The following PCDHGA10 variants were observed in gnomAD, a reference collection of about 807,000 sequenced individuals.
PCDHGA10 encodes the protein protocadherin gamma subfamily A, 10.
In PCDHGA10, 42 loss-of-function variants were observed where a neutral mutation model predicts 59.5. The ratio of observed to expected loss-of-function variants is 0.71; its 90% CI spans 0.55 to 0.91. The LOEUF (loss-of-function observed/expected upper bound fraction) is 0.91, where lower values mean the gene tolerates loss of function less well. Ranked by LOEUF, PCDHGA10 falls within the 40% of genes least tolerant of loss-of-function variation. The probability of loss-of-function intolerance (pLI) is 0.00; values close to 1 mark genes in which losing one functional copy is unlikely to be tolerated. For synonymous variants in PCDHGA10, 511 were observed against 517.2 expected (o/e 0.99, Z 0.16); for missense variants, 1,111 against 1,198.2 (o/e 0.93, Z 1.07).
Position 141,477,203 on chromosome 5 carries a change from G to A in PCDHGA10, c.2437-17604G>A. The A allele has an allele frequency of 6.2e-7, 1 of 1,614,176 alleles. No individual in the cohort carries two copies. The highest frequency in any genetic ancestry group is 8.5e-7 in the Non-Finnish European group (1 of 1,180,050). ...CACCTCCGTGTACAGCCCAGTACCC[G>A]AGGATGCCCCTCTGGGGACTGTCAT... On this transcript the variant is annotated intron_variant, in intron 1 of 3. Coordinates refer to ENST00000398610, the MANE Select transcript of PCDHGA10 (RefSeq NM_018913.3). This position sits in a 1 kb window ranked among gnomAD's most constrained non-coding sequence, Gnocchi z 4.9.
chr5:141,491,954 C>CA lies in PCDHGA10; in HGVS notation c.2437-2847dup. 1 of 1,032,920 alleles carries CA rather than the reference C, an allele frequency of 9.7e-7. No homozygotes were observed. Among genetic ancestry groups the CA allele is most frequent in the Non-Finnish European group, 1.3e-6 (1 of 747,262 alleles). 64.0% of individuals were successfully genotyped at this position (1,032,920 alleles called of 1,614,324 possible). A position where few individuals can be genotyped will look rare whatever the true frequency, so the allele number is the denominator to read the frequency against. ...TGGGACCGACCCCCACCCCTACACTCAAAAAAGGCCGGGGCCTCCTTCGAG... is the reference window on the plus strand; with the variant it reads ...TGGGACCGACCCCCACCCCTACACTCAAAAAAAGGCCGGGGCCTCCTTCGAG... On this transcript the variant is annotated intron_variant, in intron 1 of 3. Coordinates refer to ENST00000398610, the MANE Select transcript of PCDHGA10 (RefSeq NM_018913.3). This position sits in a 1 kb window ranked among gnomAD's most constrained non-coding sequence, Gnocchi z 6.9.
chr5:141,421,831 G>C lies in PCDHGA10; in HGVS notation c.2436+6220G>C, dbSNP rs201283981. ...AGAGCTAGTACTGGAGGGAAGCCTG[G>C]ACCGAGAGAAAGAGGCTGCTCACCT... On this transcript the variant is annotated intron_variant, in intron 1 of 3. Transcript: ENST00000398610. 68 of 1,613,784 alleles carry C rather than the reference G, an allele frequency of 4.2e-5. 1 individual carries two copies. The East Asian group carries it at 1.4e-3, about 33-fold the overall frequency.
chr5:141,422,661 C>T (rs1289162498), intron 1 of PCDHGA10: 7 of 1,608,938 alleles, frequency 4.4e-6, no homozygotes, highest in Admixed American at 1.7e-5. Flanking sequence ...TGACCGCCCT[C>T]GACCCGGACA....
In PCDHGA10 at chr5:141,417,067, A is replaced by G. The variant is rs1008801110; in HGVS notation, c.2436+1456A>G. The stretch of plus-strand genomic sequence containing the variant: ...AAAAACTGCTCTTGACATTGTAGCT[A>G]TTGTGAGAAAATATTTTGATTATAA... On this transcript the variant is annotated intron_variant, in intron 1 of 3. Coordinates refer to ENST00000398610, the MANE Select transcript of PCDHGA10 (RefSeq NM_018913.3). 2.0e-5 allele frequency: 3 copies of G among 152,102 alleles called. No homozygotes were observed. The South Asian group carries it at 6.2e-4, about 31-fold the overall frequency. 9.4% of individuals were successfully genotyped at this position (152,102 alleles called of 1,614,324 possible).
At chr5:141,418,307 A>C (rs372854408) in intron 1 of PCDHGA10, 24 of 1,613,982 alleles carry the variant, frequency 1.5e-5, no homozygotes, top group Non-Finnish European at 2.0e-5. Context: ...CAGCCTGGGG[A>C]TGGGAACAAT....
At chr5:141,436,214 A>G (rs1242199916) in intron 1 of PCDHGA10, among the ~76,000 whole-genome samples, 5 of 152,160 alleles carry the variant, frequency 3.3e-5, no homozygotes, top group African/African-American at 7.2e-5. Context: ...AGGAAAACAA[A>G]TGACTTGGGA....
chr5:141,422,188 C>T, intron 1 of PCDHGA10: 1 of 1,561,742 alleles, frequency 6.4e-7, no homozygotes. Context: ...GATGGAAATT[C>T]AAGGCCAAGA....
At chr5:141,458,513 G>GT (rs537551567) in intron 1 of PCDHGA10, among the ~76,000 whole-genome samples, 9,886 of 146,106 alleles carry the variant, frequency 0.068, 671 homozygotes, top group African/African-American at 0.18. Flanking sequence ...TTGACACTTT[G>GT]TTTTTTTTTT....
chr5:141,462,354 C>T (rs1157515386), intron 1 of PCDHGA10, among the ~76,000 whole-genome samples: 1 of 152,162 alleles, frequency 6.6e-6, no homozygotes, highest in Non-Finnish European at 1.5e-5. Flanking sequence ...CAAAAATATA[C>T]ATTGTATAGT....
intron 1 of PCDHGA10, chr5:141,424,160 CATCT>C (rs1554117117): frequency 1.5e-5 from 4 of 273,202 alleles, no homozygotes; most frequent in South Asian, 1.4e-4. Flanking sequence ...CTCTCCTTCT[CATCT>C]ATCTATCTAT....
chr5:141,419,209 G>A (rs541061354), intron 1 of PCDHGA10: 11 of 1,613,900 alleles, frequency 6.8e-6, no homozygotes, highest in South Asian at 5.5e-5. Context: ...ACAACGCGCC[G>A]GTTTTCGGAC....
chr5:141,479,939 A>G (rs763454741), intron 1 of PCDHGA10, among the ~76,000 whole-genome samples: 2 of 152,004 alleles, frequency 1.3e-5, no homozygotes, highest in Non-Finnish European at 2.9e-5. Flanking sequence ...ATTGCTATCA[A>G]CTCTTGGATT....
intron 1 of PCDHGA10, chr5:141,422,453 G>GA: frequency 6.2e-7 from 1 of 1,611,704 alleles, no homozygotes. Context: ...ATAACAAGCA[G>GA]AGTGCTGGAC....
Position 141,415,269 on chromosome 5 carries a change from G to T in PCDHGA10, c.2094G>T (p.Val698=). Reference sequence around the variant, plus strand: ...CCTCAGACCTCACTCTGTACCTGGTGGTAGCGGTGGCCGCGGTCTCCTGCG... The same window carrying T: ...CCTCAGACCTCACTCTGTACCTGGTTGTAGCGGTGGCCGCGGTCTCCTGCG... ...SETSDLTLYL[V]VAVAAVSCVF... is the part of the protein sequence containing the mutation. The change falls in exon 1 of 4, where the codon GTG becomes GTT. Residue 698 remains valine, a synonymous_variant. Coordinates refer to ENST00000398610, the MANE Select transcript of PCDHGA10 (RefSeq NM_018913.3). 6.2e-7 allele frequency: 1 copy of T among 1,614,228 alleles called. No homozygotes were observed. The highest frequency in any genetic ancestry group is 1.3e-5 in the African/African-American group (1 of 75,076).
chr5:141,448,966 A>G (rs981772425), intron 1 of PCDHGA10, among the ~76,000 whole-genome samples: 5 of 152,118 alleles, frequency 3.3e-5, no homozygotes, highest in Non-Finnish European at 7.4e-5. Context: ...CAAACAAACA[A>G]AAAAGAACTT....
At chr5:141,455,755 T>C (rs1283272521) in intron 1 of PCDHGA10, among the ~76,000 whole-genome samples, 1 of 152,150 alleles carries the variant, frequency 6.6e-6, no homozygotes, top group Non-Finnish European at 1.5e-5. Flanking sequence ...CTGGCCTGGC[T>C]CCTAGAGCCG....
intron 1 of PCDHGA10, among the ~76,000 whole-genome samples, chr5:141,462,798 C>A (rs1458659959): frequency 6.6e-6 from 1 of 152,072 alleles, no homozygotes; most frequent in Non-Finnish European, 1.5e-5. Flanking sequence ...ATTTGCATGT[C>A]TAATAATGTT....
chr5:141,475,921 A>T, intron 1 of PCDHGA10: 1 of 604,938 alleles, frequency 1.7e-6, no homozygotes, highest in Non-Finnish European at 2.8e-6. Flanking sequence ...AAGACGCTGG[A>T]GATCGGGCCC....
At chr5:141,484,075 C>G (rs1397285710) in intron 1 of PCDHGA10, among the ~76,000 whole-genome samples, 2 of 152,084 alleles carry the variant, frequency 1.3e-5, no homozygotes, top group African/African-American at 4.8e-5. Context: ...AAAGCTTGCT[C>G]TTTTGAAATG....
Sources: gnomAD v4.1 joint callset for allele counts (sites outside exome capture counted in the v4.1 genomes callset) on GRCh38, gnomAD v4.1.1 for gene constraint, Gnocchi (gnomAD v3.1) non-coding constraint, MANE v1.5 for transcripts, NCBI Gene and HGNC (gene_info 2026-07-23, HGNC 2026-07-21) for gene names.